UBR4: variants seen among roughly 807,000 people sequenced by gnomAD.
The protein encoded by UBR4 is ubiquitin protein ligase E3 component n-recognin 4, also known as E3 ubiquitin-protein ligase UBR4.
Under a neutral mutation model 575.6 loss-of-function variants are expected in UBR4, and 124 were observed. That is an observed-to-expected ratio of 0.22 (90% CI 0.19 to 0.25). The LOEUF (loss-of-function observed/expected upper bound fraction) is 0.25. UBR4 is among the 10% of genes least tolerant of loss of function. The pLI is 1.00. For missense variants in UBR4, 4,818 were observed against 6,478.8 expected (o/e 0.74, Z 8.80); for synonymous variants, 2,455 against 2,473.7 (o/e 0.99, Z 0.22).
chr1:19,127,633 G>A lies in UBR4; in HGVS notation c.9218C>T (p.Ser3073Phe), dbSNP rs1455223709. The A allele has an allele frequency of 4.3e-6, 7 of 1,613,828 alleles. No individual in the cohort carries two copies. Among genetic ancestry groups the A allele is most frequent in the South Asian group, 1.1e-5 (1 of 91,078 alleles). The change falls in exon 63 of 106, where the codon TCC becomes TTC. Residue 3073 changes from serine to phenylalanine, a missense_variant. By Grantham distance (155) the Ser-to-Phe change is radical (BLOSUM62 -2). Transcript: ENST00000375254. ...MSRTKSGSKS[S>F]ICESSSLISS... ...CCAAAGCAAAAATACCTCACATATG[G>A]AAGACTTGGATCCAGATTTGGTGCG...
rs776573913 is a variant in UBR4 at position 19,095,034 on chromosome 1, G to A, written c.13627-9C>T. 2 of 1,614,068 alleles carry A rather than the reference G, an allele frequency of 1.2e-6. No homozygotes were observed. Among genetic ancestry groups the A allele is most frequent in the East Asian group, 2.2e-5 (1 of 44,900 alleles). On this transcript the variant is annotated splice_polypyrimidine_tract_variant and intron_variant, in intron 93 of 105. Coordinates refer to ENST00000375254, the MANE Select transcript of UBR4 (RefSeq NM_020765.3). ...TGTTCAGCTACAAGGGCCTGTAGGA[G>A]AAGGAGACTCAGTCACTCTCAGAAT... is the stretch of plus-strand genomic sequence containing the variant.
Position 19,112,644 on chromosome 1 carries a change from G to C in UBR4, c.11681C>G (p.Pro3894Arg). The C allele has an allele frequency of 6.2e-7, 1 of 1,614,264 alleles. No homozygotes were observed. Among genetic ancestry groups the C allele is most frequent in the Non-Finnish European group, 8.5e-7 (1 of 1,180,046 alleles). Residue 3894 changes from proline (P) to arginine (R), a missense_variant, in exon 78 of 106, where the codon CCA becomes CGA. Physicochemically the swap from Pro to Arg is moderately radical, Grantham distance 103. This residue lies in a region of UBR4 where 333 missense variants were observed against 459.2 expected (regional missense o/e 0.73). Coordinates refer to ENST00000375254, the MANE Select transcript of UBR4 (RefSeq NM_020765.3). ...ITLLRALATN[P>R]ALRHILVSQG... ...GGAGACAAGGATGTGCCTCAAGGCT[G>C]GGTTGGTGGCCAGGGCCCGAAGTAG...
chr1:19,197,902 T>C lies in UBR4; in HGVS notation c.751+45A>G, dbSNP rs775693245. 1.2e-5 allele frequency: 20 copies of C among 1,612,564 alleles called. No homozygotes were observed. In the South Asian group the frequency reaches 2.0e-4, roughly 16 times the overall value. ...GACAGAAGCACACTTAAGGAATTTT[T>C]GACAGCCCAGAAATCAGCTTTCTGA... On this transcript the variant is annotated intron_variant, in intron 6 of 105. Coordinates refer to ENST00000375254, the MANE Select transcript of UBR4 (RefSeq NM_020765.3).
At position 19,112,685 on chromosome 1, in the gene UBR4, T is replaced by C. The variant is rs1557632510; in HGVS notation, c.11640A>G (p.Thr3880=). Reference sequence around the variant, plus strand: ...CCCGAAGTAGTGTGATACAATGTTCTGTGACAGCCGAGGCGCAGCCATAGC... The same window carrying C: ...CCCGAAGTAGTGTGATACAATGTTCCGTGACAGCCGAGGCGCAGCCATAGC... ...TKCYGCASAV[T]EHCITLLRAL... The change falls in exon 78 of 106, where the codon ACA becomes ACG. Residue 3880 remains threonine (T), a synonymous_variant. Transcript: ENST00000375254. The C allele has an allele frequency of 1.2e-6, 2 of 1,614,268 alleles. No individual in the cohort carries two copies. Among genetic ancestry groups the C allele is most frequent in the East Asian group, 4.5e-5 (2 of 44,890 alleles).
chr1:19,131,603 G>A (rs968534439), intron 60 of UBR4, among the ~76,000 whole-genome samples: 1 of 152,164 alleles, frequency 6.6e-6, no homozygotes, highest in South Asian at 2.1e-4. Context: ...ACTGGGCGTG[G>A]TGGCTCATGC....
chr1:19,120,116 G>C (rs188157299), intron 69 of UBR4, 64 bp downstream of exon 69: 4 of 1,566,802 alleles, frequency 2.6e-6, no homozygotes, highest in East Asian at 2.3e-5. Flanking sequence ...AAACAAAATA[G>C]AACTGCATTA....
chr1:19,179,183 GA>G lies in UBR4; in HGVS notation c.2221del (p.Ser741LeufsTer50). On this transcript the variant is annotated frameshift_variant, in exon 18 of 106. Coordinates refer to ENST00000375254, the MANE Select transcript of UBR4 (RefSeq NM_020765.3). LOFTEE classifies it high-confidence loss of function. ...LLQQLGVAPF[S>X]EGPWPLYIHP... ...AATGTACAAGGGCCAAGGGCCCTCA[GA>G]AAAAGGAGCCACTCCTAGCTGCTGC... is the stretch of plus-strand genomic sequence containing the variant. 1 of 1,588,872 alleles carries G rather than the reference GA, an allele frequency of 6.3e-7. No homozygotes were observed. The highest frequency in any genetic ancestry group is 2.0e-5 in the Admixed American group (1 of 50,346).
intron 105 of UBR4, among the ~76,000 whole-genome samples, chr1:19,075,874 T>G (rs1201627692): frequency 6.6e-6 from 1 of 152,198 alleles, no homozygotes; most frequent in Non-Finnish European, 1.5e-5. Flanking sequence ...TTCTTTATAC[T>G]TTACAAAATT....
intron 60 of UBR4, among the ~76,000 whole-genome samples, chr1:19,136,180 G>A (rs921097886): frequency 6.6e-6 from 1 of 152,072 alleles, no homozygotes; most frequent in African/African-American, 2.4e-5. Context: ...CCTCCCTAAA[G>A]GAAAATCTAA....
chr1:19,176,340 C>T (rs923058227), intron 20 of UBR4, among the ~76,000 whole-genome samples: 10 of 151,998 alleles, frequency 6.6e-5, no homozygotes, highest in African/African-American at 2.4e-4. Context: ...ATGATCTGCC[C>T]GCCTCTGCCT....
At chr1:19,206,265 A>G (rs1329633852) in intron 1 of UBR4, among the ~76,000 whole-genome samples, 1 of 152,012 alleles carries the variant, frequency 6.6e-6, no homozygotes, top group Admixed American at 6.5e-5. Context: ...TGAGCCCAGG[A>G]GTTTGAGGCT....
rs1450552588 is a variant in UBR4 at position 19,077,740 on chromosome 1, A to C, written c.15324+236T>G. ...AAGAACAAAACTCCGTCTCAAAAAA[A>C]CCAAACCAAACCAAACCAAACAAAA... On this transcript the variant is annotated intron_variant, in intron 104 of 105. Transcript: ENST00000375254. 4 of 1,438,222 alleles carry C rather than the reference A, an allele frequency of 2.8e-6. No individual in the cohort carries two copies. In the East Asian group the frequency reaches 1.2e-4, roughly 44 times the overall value. The allele number at this position is 1,438,222 out of a possible 1,614,324, so 89.1% of individuals were successfully genotyped here.
chr1:19,143,243 G>GA (rs2084247949), intron 55 of UBR4, among the ~76,000 whole-genome samples: 1 of 131,434 alleles, frequency 7.6e-6, no homozygotes, highest in Admixed American at 7.8e-5. Context: ...AGGCAGGAAG[G>GA]AAGGAAGGAA....
chr1:19,095,769 A>T, intron 92 of UBR4, 117 bp from the exon 93 acceptor site: 1 of 883,062 alleles, frequency 1.1e-6, no homozygotes, highest in Admixed American at 2.1e-5. Flanking sequence ...TCCTCCTGAA[A>T]TGAAGAGGAC....
intron 41 of UBR4, 148 bp downstream of exon 41, chr1:19,156,619 A>G (rs1464488249): frequency 2.3e-6 from 3 of 1,332,760 alleles, no homozygotes; most frequent in Non-Finnish European, 3.1e-6. Flanking sequence ...GATCTGGGAG[A>G]AATTCAAAGA....
chr1:19,205,795 T>C (rs1422569714), intron 1 of UBR4, among the ~76,000 whole-genome samples: 1 of 152,210 alleles, frequency 6.6e-6, no homozygotes, highest in Non-Finnish European at 1.5e-5. Context: ...AGTCTCCCCC[T>C]TCCAAAGTAG....
intron 3 of UBR4, among the ~76,000 whole-genome samples, chr1:19,199,374 A>G (rs115718843): frequency 4.3e-4 from 65 of 152,296 alleles, no homozygotes; most frequent in African/African-American, 1.5e-3. Context: ...AGCCCCATGT[A>G]CCAGAGGTTG....
At chr1:19,083,893 A>G (rs2076758946) in intron 102 of UBR4, among the ~76,000 whole-genome samples, 2 of 152,138 alleles carry the variant, frequency 1.3e-5, no homozygotes, top group African/African-American at 2.4e-5. Flanking sequence ...TAAAACTACC[A>G]ATCTCTTTTT....
chr1:19,182,089 A>C (rs2091023382), intron 17 of UBR4, among the ~76,000 whole-genome samples: 1 of 152,210 alleles, frequency 6.6e-6, no homozygotes, highest in Admixed American at 6.5e-5. Flanking sequence ...CTAATTTAGT[A>C]TCATGTCTTT....
Sources: allele counts gnomAD v4.1 joint callset (sites outside exome capture counted in the v4.1 genomes callset), GRCh38; gene constraint gnomAD v4.1.1; regional missense constraint gnomAD v4.1.1; transcripts MANE v1.5; gene names NCBI Gene and HGNC (gene_info 2026-07-23, HGNC 2026-07-21).